Variants in DENND4A observed in about 807,000 individuals in gnomAD.
DENND4A encodes C-myc promoter-binding protein.
A neutral mutation model predicts 199.3 loss-of-function variants in DENND4A; 70 were observed. The ratio of observed to expected loss-of-function variants is 0.35; its 90% CI spans 0.29 to 0.43. DENND4A has a LOEUF of 0.43. Among genes scored for constraint, DENND4A ranks in the 20% least tolerant of loss-of-function variants. DENND4A has a pLI of 1.00. For missense variants in DENND4A, 1,723 were observed against 2,255.8 expected (o/e 0.76, Z 4.78); for synonymous variants, 686 against 766.9 (o/e 0.89, Z 1.74).
chr15:65,714,357 G>A (rs758519188), intron 14 of DENND4A, among the ~76,000 whole-genome samples: 2 of 151,530 alleles, frequency 1.3e-5, no homozygotes, highest in Admixed American at 1.3e-4. Flanking sequence ...AGCTTGCAGT[G>A]AGCCAGGATC....
chr15:65,780,304 A>C (rs1046238642), intron 1 of DENND4A, among the ~76,000 whole-genome samples: 45 of 152,210 alleles, frequency 3.0e-4, no homozygotes, highest in African/African-American at 1.1e-3. Flanking sequence ...ACCTTAATCC[A>C]AAAGAGAAAA....
intron 24 of DENND4A, among the ~76,000 whole-genome samples, chr15:65,672,365 C>G (rs1158882573): frequency 6.6e-6 from 1 of 152,058 alleles, no homozygotes; most frequent in Non-Finnish European, 1.5e-5. Context: ...TGGCTCATGC[C>G]TGTAATCCTA....
intron 1 of DENND4A, among the ~76,000 whole-genome samples, chr15:65,778,018 G>A (rs2077328174): frequency 6.6e-6 from 1 of 152,028 alleles, no homozygotes; most frequent in South Asian, 2.1e-4. Flanking sequence ...GGGCGACAGA[G>A]GGAGACTCCG....
At chr15:65,681,084 C>A (rs1401550620) in intron 23 of DENND4A, 1 of 152,214 alleles carries the variant, frequency 6.6e-6, no homozygotes, top group African/African-American at 2.4e-5. Flanking sequence ...TGTCTGACAA[C>A]TTTCTTTGCT....
Position 65,771,819 on chromosome 15 carries a change from T to C in DENND4A, c.-101-10381A>G, listed in dbSNP as rs1482855510. 4 of 1,613,462 alleles carry C rather than the reference T, an allele frequency of 2.5e-6. No homozygotes were observed. The East Asian group carries it at 8.9e-5, about 36-fold the overall frequency. ...CATTGCCCGTGAGGTCATACTGTTT[T>C]CGCTTTTCTGGATTACTTAAAACAG... On this transcript the variant is annotated intron_variant, in intron 1 of 32. Coordinates refer to ENST00000443035, the MANE Select transcript of DENND4A (RefSeq NM_001320835.1).
rs1380101931 is a variant in DENND4A at position 65,665,363 on chromosome 15, T to C, written c.5341A>G (p.Ile1781Val). 3 of 1,613,262 alleles carry C rather than the reference T, an allele frequency of 1.9e-6. No homozygotes were observed. Residue 1781 changes from isoleucine to valine, a missense_variant, in exon 30 of 33, where the codon ATT (isoleucine) becomes GTT (valine). Around this residue, in one of 6 missense-constraint regions of DENND4A, gnomAD observed 164 missense variants for 280.1 expected, o/e 0.59. Coordinates refer to ENST00000443035, the MANE Select transcript of DENND4A (RefSeq NM_001320835.1). ...CACTTACTGTGTGCATTCCAGAGAA[T>C]GTACAAGGGCTGTCCCGGATCCTGA... is the stretch of plus-strand genomic sequence containing the variant. ...LHQDPGQPLYILWNAHTQKYP... is the reference protein window; with the variant it reads ...LHQDPGQPLYVLWNAHTQKYP...
chr15:65,749,125 G>C (rs1364259989), intron 4 of DENND4A, among the ~76,000 whole-genome samples: 1 of 150,828 alleles, frequency 6.6e-6, no homozygotes, highest in Non-Finnish European at 1.5e-5. Flanking sequence ...TTATTGGTAG[G>C]AATTTTAATT....
intron 1 of DENND4A, among the ~76,000 whole-genome samples, chr15:65,783,829 C>T (rs1164706472): frequency 2.6e-5 from 4 of 151,814 alleles, no homozygotes; most frequent in East Asian, 1.9e-4. Context: ...AATATATAAA[C>T]GGAGAAGAAA....
At position 65,659,328 on chromosome 15, in the gene DENND4A, T is replaced by TTTTG. The variant is rs1186947192; in HGVS notation, c.*2522_*2523insCAAA. 8 of 123,616 alleles carry TTTTG rather than the reference T, an allele frequency of 6.5e-5. No individual in the cohort carries two copies. Among genetic ancestry groups the TTTTG allele is most frequent in the African/African-American group, 1.2e-4 (4 of 33,872 alleles). 7.7% of individuals were successfully genotyped at this position (123,616 alleles called of 1,614,324 possible). ...AAATGATTGATATTTTCTGGTTTTT[T>TTTTG]TTTTTTTTTTTTTTTTTTTTTTTGA... On this transcript the variant is annotated 3_prime_UTR_variant, in exon 33 of 33. Coordinates refer to ENST00000443035, the MANE Select transcript of DENND4A (RefSeq NM_001320835.1).
Position 65,726,511 on chromosome 15 carries a change from C to A in DENND4A, c.1487+2561G>T, listed in dbSNP as rs2075807606. On this transcript the variant is annotated intron_variant, in intron 11 of 32. Transcript: ENST00000443035. Reference sequence around the variant, plus strand: ...TGCCGTATGTAAAATGGCTTTTATGCATAAAATATATTTCATATTTTCTTG... The same window carrying A: ...TGCCGTATGTAAAATGGCTTTTATGAATAAAATATATTTCATATTTTCTTG... Among the ~76,000 whole-genome samples, 5 of 152,150 alleles carry A rather than the reference C, an allele frequency of 3.3e-5. No homozygotes were observed. In the South Asian group the frequency reaches 1.0e-3, roughly 32 times the overall value.
intron 7 of DENND4A, among the ~76,000 whole-genome samples, chr15:65,733,337 ATTTTGT>A (rs1281132685): frequency 6.6e-6 from 1 of 152,042 alleles, no homozygotes; most frequent in Middle Eastern, 3.2e-3. Context: ...AGATCTATGG[ATTTTGT>A]TTTTAACACT....
chr15:65,788,485 T>C (rs2077627620), intron 1 of DENND4A, among the ~76,000 whole-genome samples: 1 of 152,194 alleles, frequency 6.6e-6, no homozygotes, highest in East Asian at 1.9e-4. Flanking sequence ...AATCTTAAGA[T>C]AGTTTTCCTA....
intron 1 of DENND4A, among the ~76,000 whole-genome samples, chr15:65,789,934 T>C (rs557556190): frequency 0.013 from 1,933 of 152,284 alleles, 12 homozygotes; most frequent in Non-Finnish European, 0.02. Flanking sequence ...GGCGGGCAGA[T>C]TGCTTGGGCT....
At chr15:65,708,021 G>A (rs1340108314) in intron 14 of DENND4A, among the ~76,000 whole-genome samples, 1 of 151,990 alleles carries the variant, frequency 6.6e-6, no homozygotes, top group African/African-American at 2.4e-5. Context: ...TTTTGAGACA[G>A]GGTCTTGCTC....
intron 23 of DENND4A, among the ~76,000 whole-genome samples, chr15:65,682,329 T>G (rs559579890): frequency 7.2e-5 from 11 of 152,090 alleles, no homozygotes; most frequent in Admixed American, 1.3e-4. Flanking sequence ...ACATCTTCTA[T>G]ATTAGCACTT....
At chr15:65,663,300 C>A (rs1474722696) in intron 32 of DENND4A, among the ~76,000 whole-genome samples, 3 of 150,742 alleles carry the variant, frequency 2.0e-5, no homozygotes, top group Non-Finnish European at 4.4e-5. Flanking sequence ...GCCTCCGCCT[C>A]CTGGGTTCAA....
chr15:65,746,376 T>C (rs1270479879), intron 4 of DENND4A, among the ~76,000 whole-genome samples: 21 of 72,224 alleles, frequency 2.9e-4, no homozygotes, highest in African/African-American at 1.2e-3. Context: ...TCTCTTTTTT[T>C]TTTTTTTTTT....
intron 1 of DENND4A, chr15:65,771,826 T>C (rs2077136133): frequency 6.2e-7 from 1 of 1,613,178 alleles, no homozygotes; most frequent in African/African-American, 1.3e-5. Context: ...TTTTCGCTTT[T>C]CTGGATTACT....
At chr15:65,665,197 A>G (rs2075995162) in intron 30 of DENND4A, 148 bp downstream of exon 30, 4 of 564,712 alleles carry the variant, frequency 7.1e-6, no homozygotes, top group Non-Finnish European at 1.2e-5. Context: ...TCAAACACTC[A>G]CTCTCAAACA....
Sources: allele counts gnomAD v4.1 joint callset (sites outside exome capture counted in the v4.1 genomes callset), GRCh38; gene constraint gnomAD v4.1.1; regional missense constraint gnomAD v4.1.1; transcripts MANE v1.5; gene names NCBI Gene and HGNC (gene_info 2026-07-23, HGNC 2026-07-21).